The following GGTA1 variants were observed in gnomAD, a reference collection of about 807,000 sequenced individuals.
GGTA1 encodes inactive N-acetyllactosaminide alpha-1,3-galactosyltransferase.
In GGTA1, 5 loss-of-function variants were observed where a neutral mutation model predicts 2.6. The ratio of observed to expected loss-of-function variants is 1.92; its 90% CI spans 1.00 to 4.04. The LOEUF is 4.04. Among genes scored for constraint, GGTA1 ranks in the 30% most tolerant of loss-of-function variants. The pLI, the probability that GGTA1 is intolerant of heterozygous loss-of-function variation, is 0.00. For missense variants in GGTA1, 50 were observed against 16.7 expected (o/e 2.99, Z -3.47); for synonymous variants, 17 against 5.0 (o/e 3.38, Z -3.19).
intron 1 of GGTA1, among the ~76,000 whole-genome samples, chr9:121,478,656 C>T (rs2118727140): frequency 6.6e-6 from 1 of 152,226 alleles, no homozygotes; most frequent in Admixed American, 6.5e-5. Flanking sequence ...TTATAAGGGT[C>T]AGAGTAAACA....
chr9:121,469,590 C>T lies in GGTA1; in HGVS notation c.-9-1659G>A, dbSNP rs144336675. Among the ~76,000 whole-genome samples, 1,089 of 152,226 alleles carry T rather than the reference C, an allele frequency of 7.2e-3. 7 individuals are homozygous for T. Among genetic ancestry groups the T allele is most frequent in the Non-Finnish European group, 0.012 (787 of 68,006 alleles). On this transcript the variant is annotated intron_variant, in intron 1 of 5. Coordinates refer to ENST00000481799, the MANE Select transcript of GGTA1 (RefSeq NM_001382585.1). ...GCGTGGAGAATGAGGTGGCAGACTA[C>T]TCTGATGGCCAAAACGAAGGGGTGG...
In GGTA1 at chr9:121,456,644, G is replaced by A. The variant is rs536877428; in HGVS notation, c.299-803C>T. 3.3e-5 allele frequency among the ~76,000 whole-genome samples: 5 copies of A among 152,146 alleles called. No homozygotes were observed. In the South Asian group the frequency reaches 8.3e-4, roughly 25 times the overall value. On this transcript the variant is annotated intron_variant, in intron 5 of 5. Coordinates refer to ENST00000481799, the MANE Select transcript of GGTA1 (RefSeq NM_001382585.1). ...TTGGTCAGGCTGGTCTCGAACTCCC[G>A]ACCTCAGGTGATCCACCCACCTTGG...
At chr9:121,497,123 G>A (rs779226912) in intron 1 of GGTA1, among the ~76,000 whole-genome samples, 2 of 152,056 alleles carry the variant, frequency 1.3e-5, no homozygotes. Context: ...AATCTGGGAG[G>A]TGGAGGTTGC....
intron 1 of GGTA1, among the ~76,000 whole-genome samples, chr9:121,468,344 T>C (rs925273491): frequency 1.3e-5 from 2 of 152,218 alleles, no homozygotes; most frequent in African/African-American, 4.8e-5. Flanking sequence ...GCAAAGGACA[T>C]GAACTCATCC....
At chr9:121,465,111 C>T (rs1292391990) in intron 2 of GGTA1, among the ~76,000 whole-genome samples, 6 of 152,168 alleles carry the variant, frequency 3.9e-5, no homozygotes, top group South Asian at 2.1e-4. Flanking sequence ...AGGTGCCAGA[C>T]GATTAGCCTG....
intron 4 of GGTA1, 23 bp from the exon 5 acceptor site, chr9:121,460,242 C>A (rs1367738918): frequency 1.8e-5 from 8 of 456,976 alleles, no homozygotes; most frequent in Non-Finnish European, 3.1e-5. Context: ...GGAAAGTAAA[C>A]CAGGTAAGGC....
chr9:121,472,324 A>T (rs1205563895), intron 1 of GGTA1, among the ~76,000 whole-genome samples: 1 of 152,230 alleles, frequency 6.6e-6, no homozygotes, highest in Non-Finnish European at 1.5e-5. Context: ...ACTGGATCAC[A>T]TTAAATTAAT....
chr9:121,447,704 G>A (rs549190359), intron 7 of GGTA1: 1 of 152,190 alleles, frequency 6.6e-6, no homozygotes, highest in South Asian at 2.1e-4. Context: ...CACATGCTGG[G>A]ATTCCTGAAA....
chr9:121,468,067 CA>C (rs1161931665), intron 1 of GGTA1, 136 bp from the exon 2 acceptor site: 4 of 376,954 alleles, frequency 1.1e-5, no homozygotes, highest in Non-Finnish European at 2.1e-5. Flanking sequence ...GATACATGTG[CA>C]GAACGTGCAG....
intron 1 of GGTA1, among the ~76,000 whole-genome samples, chr9:121,478,420 C>A (rs1828561163): frequency 6.6e-6 from 1 of 152,164 alleles, no homozygotes; most frequent in Non-Finnish European, 1.5e-5. Flanking sequence ...GCATAGCTTG[C>A]CAGAGATCAC....
chr9:121,445,335 GTT>G (rs2064847703), exon 8 of GGTA1: 1 of 135,142 alleles, frequency 7.4e-6, no homozygotes, highest in South Asian at 2.4e-4. Flanking sequence ...CAGGGTTTTT[GTT>G]TTGTTTTGTT....
rs1325681219 is a variant in GGTA1, at chr9:121,464,988, C to CAAAAAAA, written c.81-1667_81-1661dup. On this transcript the variant is annotated intron_variant, in intron 2 of 5. Coordinates refer to ENST00000481799, the MANE Select transcript of GGTA1 (RefSeq NM_001382585.1). ...ATCATGTGGCCAATTCGTAAAGTGG[C>CAAAAAAA]AAAAAAACAAAACAAACAAAAAAAA... is the stretch of plus-strand genomic sequence containing the variant. 2.1e-4 allele frequency among the ~76,000 whole-genome samples: 26 copies of CAAAAAAA among 121,950 alleles called. 2 individuals carry two copies. The highest frequency in any genetic ancestry group is 2.7e-4 in the Non-Finnish European group (15 of 56,284). The allele number at this position is 121,950 out of a possible 152,430, so 80.0% of individuals were successfully genotyped here.
chr9:121,455,998 G>A (rs76295567), intron 5 of GGTA1, among the ~76,000 whole-genome samples, 157 bp from the exon 6 acceptor site: 10,883 of 152,212 alleles, frequency 0.071, 434 homozygotes, highest in Middle Eastern at 0.092. Context: ...CAGGCAGCTG[G>A]GGAGATGGGG....
intron 1 of GGTA1, among the ~76,000 whole-genome samples, chr9:121,477,395 A>G (rs989880318): frequency 2.0e-5 from 3 of 152,232 alleles, no homozygotes; most frequent in African/African-American, 7.2e-5. Context: ...TGACAGGTGT[A>G]TCAGACAGTT....
At chr9:121,473,127 C>G (rs1318624887) in intron 1 of GGTA1, among the ~76,000 whole-genome samples, 2 of 152,034 alleles carry the variant, frequency 1.3e-5, no homozygotes, top group Non-Finnish European at 2.9e-5. Flanking sequence ...CGAGACCAGC[C>G]TGGCCAACAT....
rs144132008 is a variant in GGTA1, at chr9:121,481,330, G to C, written c.-9-13399C>G. ...AGGAAAATCTCACACACACAGCACTGAGTGAAAGAAACCCAGCATAAAAGG... is the reference window on the plus strand; with the variant it reads ...AGGAAAATCTCACACACACAGCACTCAGTGAAAGAAACCCAGCATAAAAGG... On this transcript the variant is annotated intron_variant, in intron 1 of 5. Transcript: ENST00000481799. Among the ~76,000 whole-genome samples the C allele has an allele frequency of 4.8e-3, 727 of 152,138 alleles. 2 individuals carry two copies. The highest frequency in any genetic ancestry group is 0.017 in the African/African-American group (695 of 41,496).
Position 121,467,937 on chromosome 9 carries a change from A to T in GGTA1, c.-9-6T>A. ...TTGACATTCATTATTTTCTCCTAGGAAAAAAGAAGAGGGGAGAAAAAAAGA... is the reference window on the plus strand; with the variant it reads ...TTGACATTCATTATTTTCTCCTAGGTAAAAAGAAGAGGGGAGAAAAAAAGA... On this transcript the variant is annotated splice_polypyrimidine_tract_variant and splice_region_variant and intron_variant, in intron 1 of 5. Coordinates refer to ENST00000481799, the MANE Select transcript of GGTA1 (RefSeq NM_001382585.1). 1 of 455,252 alleles carries T rather than the reference A, an allele frequency of 2.2e-6. No homozygotes were observed. The highest frequency in any genetic ancestry group is 4.4e-6 in the Non-Finnish European group (1 of 226,492). The allele number at this position is 455,252 out of a possible 1,614,324, so 28.2% of individuals were successfully genotyped here.
At chr9:121,459,236 C>T (rs1276537450) in intron 5 of GGTA1, among the ~76,000 whole-genome samples, 2 of 152,128 alleles carry the variant, frequency 1.3e-5, no homozygotes, top group Non-Finnish European at 2.9e-5. Flanking sequence ...GTGGGAGGAT[C>T]ACTTAAGCCC....
intron 1 of GGTA1, among the ~76,000 whole-genome samples, chr9:121,488,884 G>C (rs1828815934): frequency 6.6e-6 from 1 of 152,166 alleles, no homozygotes; most frequent in Admixed American, 6.5e-5. Flanking sequence ...ACTGCAGCCT[G>C]GGCAACAGAG....
Sources: allele counts gnomAD v4.1 joint callset (sites outside exome capture counted in the v4.1 genomes callset), GRCh38; gene constraint gnomAD v4.1.1; transcripts MANE v1.5; gene names NCBI Gene and HGNC (gene_info 2026-07-23, HGNC 2026-07-21).